TIMM23B: variants seen among roughly 807,000 people sequenced by gnomAD.
The protein encoded by TIMM23B is mitochondrial import inner membrane translocase subunit Tim23B.
Under a neutral mutation model 27.3 loss-of-function variants are expected in TIMM23B, and 27 were observed. The ratio of observed to expected loss-of-function variants is 0.99; its 90% CI spans 0.73 to 1.36. The LOEUF (loss-of-function observed/expected upper bound fraction) is 1.36, where lower values mean the gene tolerates loss of function less well. Among genes scored for constraint, TIMM23B ranks in the 40% most tolerant of loss-of-function variants. TIMM23B has a pLI of 0.00. For synonymous variants in TIMM23B, 73 were observed against 92.4 expected (o/e 0.79, Z 1.21); for missense variants, 205 against 244.2 (o/e 0.84, Z 1.07).
chr10:49,951,839 C>T (rs1472011377), intron 2 of TIMM23B, among the ~76,000 whole-genome samples: 13 of 152,228 alleles, frequency 8.5e-5, no homozygotes, highest in Non-Finnish European at 1.5e-4. Context: ...GTGTTCCTTT[C>T]TCTAGAGCTG....
chr10:49,959,082 T>C (rs1839815113), intron 6 of TIMM23B, among the ~76,000 whole-genome samples: 2 of 152,232 alleles, frequency 1.3e-5, no homozygotes, highest in Admixed American at 1.3e-4. Context: ...TGTACAAATA[T>C]CTCTTCAAGG....
intron 6 of TIMM23B, among the ~76,000 whole-genome samples, chr10:49,964,896 A>G (rs1190352410): frequency 6.7e-6 from 1 of 149,618 alleles, no homozygotes; most frequent in Non-Finnish European, 1.5e-5. Context: ...AAATGAAATG[A>G]AGGAGATGAA....
chr10:49,944,178 T>C (rs1839282009), intron 1 of TIMM23B, among the ~76,000 whole-genome samples: 2 of 152,300 alleles, frequency 1.3e-5, no homozygotes. Flanking sequence ...TTCGATTTTC[T>C]TAAGAAAAAT....
At chr10:49,959,421 T>A (rs1401315931) in intron 6 of TIMM23B, among the ~76,000 whole-genome samples, 1 of 152,226 alleles carries the variant, frequency 6.6e-6, no homozygotes, top group Non-Finnish European at 1.5e-5. Context: ...AACATGTTGC[T>A]GTCAAGGGTC....
At position 49,955,005 on chromosome 10, in the gene TIMM23B, T is replaced by G; in HGVS notation, c.348T>G (p.Ile116Met). Reference protein sequence around the residue: ...MAWSKPGNVQILNMVTRQGAL... With the variant: ...MAWSKPGNVQMLNMVTRQGAL... ...CTTTCTCTTTCTGCCCTGATAGGAT[T>G]TTGAATATGGTGACTAGGCAAGGGG... The change falls in exon 5 of 7, where the codon ATT becomes ATG. Residue 116 changes from isoleucine (I) to methionine (M), a missense_variant. Ile to Met is a conservative substitution (Grantham distance 10). Transcript: ENST00000651259. The G allele has an allele frequency of 6.2e-6, 10 of 1,612,856 alleles. No homozygotes were observed. Among genetic ancestry groups the G allele is most frequent in the Non-Finnish European group, 8.5e-6 (10 of 1,179,058 alleles).
At chr10:49,944,632 C>A (rs1839298969) in intron 1 of TIMM23B, among the ~76,000 whole-genome samples, 2 of 152,106 alleles carry the variant, frequency 1.3e-5, no homozygotes, top group South Asian at 4.1e-4. Flanking sequence ...AAACCCAACC[C>A]AACCACTGTT....
At chr10:49,969,406 T>C (rs1840313997) in intron 6 of TIMM23B, among the ~76,000 whole-genome samples, 1 of 137,568 alleles carries the variant, frequency 7.3e-6, no homozygotes, top group Admixed American at 7.9e-5. Flanking sequence ...CACTGCACTC[T>C]AGCCTGGGCG....
rs1589038834 is a variant in TIMM23B, at chr10:49,958,877, C to T, written c.514+397C>T. 4.6e-5 allele frequency among the ~76,000 whole-genome samples: 7 copies of T among 152,282 alleles called. 1 individual carries two copies. On this transcript the variant is annotated intron_variant, in intron 6 of 6. Coordinates refer to ENST00000651259, the MANE Select transcript of TIMM23B (RefSeq NM_001290117.2). ...ACAATATTTGTCCTTTTTTGATTGG[C>T]TTATTTTACGTAGCATAATATCCTC...
At chr10:49,972,230 T>TC (rs1457680699) in intron 6 of TIMM23B, among the ~76,000 whole-genome samples, 2 of 152,266 alleles carry the variant, frequency 1.3e-5, no homozygotes, top group Non-Finnish European at 2.9e-5. Context: ...AGGCTTGCTG[T>TC]CAGGGGTTCA....
Position 49,972,256 on chromosome 10 carries a change from G to T in TIMM23B, c.515-756G>T, listed in dbSNP as rs546502461. On this transcript the variant is annotated intron_variant, in intron 6 of 6. Transcript: ENST00000651259. ...CAGGGGTTCACAGTGCTGCTTGTGG[G>T]TTATCTCCAGACCCTTTACATTCGG... 2.6e-5 allele frequency among the ~76,000 whole-genome samples: 4 copies of T among 152,302 alleles called. No individual in the cohort carries two copies. In the South Asian group the frequency reaches 8.3e-4, roughly 32 times the overall value.
At chr10:49,972,208 A>T (rs1840481309) in intron 6 of TIMM23B, among the ~76,000 whole-genome samples, 2 of 152,216 alleles carry the variant, frequency 1.3e-5, no homozygotes, top group African/African-American at 4.8e-5. Context: ...ACTGACAGGT[A>T]TTTATCTGGA....
intron 5 of TIMM23B, among the ~76,000 whole-genome samples, chr10:49,957,848 A>G (rs1402952508): frequency 2.0e-5 from 3 of 152,212 alleles, no homozygotes; most frequent in Non-Finnish European, 4.4e-5. Context: ...ATGCTCTACT[A>G]CTAATAGACT....
intron 6 of TIMM23B, among the ~76,000 whole-genome samples, chr10:49,967,435 ATT>A (rs1481391917): frequency 6.6e-6 from 1 of 151,864 alleles, no homozygotes; most frequent in African/African-American, 2.4e-5. Context: ...TCTTGGGTCT[ATT>A]TTTTAACCAG....
At chr10:49,971,489 A>G (rs1379241892) in intron 6 of TIMM23B, among the ~76,000 whole-genome samples, 1 of 152,222 alleles carries the variant, frequency 6.6e-6, no homozygotes, top group East Asian at 1.9e-4. Flanking sequence ...TTTAAAACAC[A>G]CAAATGAAAT....
intron 2 of TIMM23B, among the ~76,000 whole-genome samples, chr10:49,951,231 C>T (rs1221592493): frequency 8.5e-5 from 13 of 152,160 alleles, no homozygotes; most frequent in Non-Finnish European, 1.2e-4. Context: ...TCTGAATCAA[C>T]GTTCAGTATT....
chr10:49,961,431 A>T (rs1173540639), intron 6 of TIMM23B, among the ~76,000 whole-genome samples: 1 of 151,710 alleles, frequency 6.6e-6, no homozygotes, highest in Non-Finnish European at 1.5e-5. Flanking sequence ...TGGGATCACT[A>T]GAAGACGGTT....
rs781871453 is a variant in TIMM23B, at chr10:49,973,048, T to C, written c.551T>C (p.Leu184Pro). 8 of 1,533,218 alleles carry C rather than the reference T, an allele frequency of 5.2e-6. No individual in the cohort carries two copies. In the South Asian group the frequency reaches 8.3e-5, roughly 16 times the overall value. The allele number at this position is 1,533,218 out of a possible 1,614,324, so 95.0% of individuals were successfully genotyped here. The change falls in exon 7 of 7, where the codon CTG becomes CCG. Residue 184 changes from leucine to proline, a missense_variant. Leu to Pro is a moderately conservative substitution (Grantham distance 98, BLOSUM62 -3). Coordinates refer to ENST00000651259, the MANE Select transcript of TIMM23B (RefSeq NM_001290117.2). ...GCTTTGGATTCCCCGTTCTGTGTGC[T>C]GCTGTCTGGCTCCTGAACCCAGCTG... Reference protein sequence around the residue: ...EMALDSPFCVLLSGS With the variant: ...EMALDSPFCVPLSGS
intron 2 of TIMM23B, among the ~76,000 whole-genome samples, chr10:49,948,728 A>G (rs1339832599): frequency 2.0e-5 from 3 of 152,174 alleles, no homozygotes; most frequent in Non-Finnish European, 4.4e-5. Flanking sequence ...AGTGACTGCT[A>G]ATGGGTATGT....
At chr10:49,971,199 G>A (rs1840429443) in intron 6 of TIMM23B, among the ~76,000 whole-genome samples, 1 of 151,984 alleles carries the variant, frequency 6.6e-6, no homozygotes, top group Non-Finnish European at 1.5e-5. Flanking sequence ...GCGGAAGGCC[G>A]CAGGGTCCTC....
Sources: allele counts gnomAD v4.1 joint callset (sites outside exome capture counted in the v4.1 genomes callset), GRCh38; gene constraint gnomAD v4.1.1; transcripts MANE v1.5; gene names NCBI Gene and HGNC (gene_info 2026-07-23, HGNC 2026-07-21).